The following LHFPL3 variants were observed in gnomAD, a reference collection of about 807,000 sequenced individuals.
LHFPL3 encodes the protein LHFPL tetraspan subfamily member 3 protein.
A neutral mutation model predicts 19.3 loss-of-function variants in LHFPL3; 5 were observed. The ratio of observed to expected loss-of-function variants is 0.26; its 90% CI spans 0.14 to 0.54. The LOEUF (loss-of-function observed/expected upper bound fraction) is 0.54. Ranked by LOEUF, LHFPL3 falls within the 20% of genes least tolerant of loss-of-function variation. The pLI, the probability that LHFPL3 is intolerant of heterozygous loss-of-function variation, is 0.94. For synonymous variants in LHFPL3, 133 were observed against 126.2 expected (o/e 1.05, Z -0.36); for missense variants, 249 against 307.4 (o/e 0.81, Z 1.42).
chr7:104,721,701 G>A (rs972517391), intron 1 of LHFPL3, among the ~76,000 whole-genome samples: 6 of 152,112 alleles, frequency 3.9e-5, no homozygotes, highest in African/African-American at 1.4e-4. Flanking sequence ...TCATTCCACT[G>A]CCATGGAAAG....
intron 1 of LHFPL3, among the ~76,000 whole-genome samples, chr7:104,350,510 T>G (rs1268215664): frequency 6.6e-6 from 1 of 152,204 alleles, no homozygotes; most frequent in South Asian, 2.1e-4. Context: ...GACTGATGAA[T>G]AGAGACTGAA....
chr7:104,478,049 A>G (rs564496653), intron 1 of LHFPL3, among the ~76,000 whole-genome samples: 1 of 152,348 alleles, frequency 6.6e-6, no homozygotes, highest in East Asian at 1.9e-4. Context: ...ATAAGCATTA[A>G]AATGTTAAAT....
chr7:104,781,332 C>T (rs1413509494), intron 2 of LHFPL3, among the ~76,000 whole-genome samples: 1 of 152,168 alleles, frequency 6.6e-6, no homozygotes, highest in Admixed American at 6.5e-5. Context: ...CACCTTATGG[C>T]TGCTACACAT....
Position 104,906,220 on chromosome 7 carries a change from A to G in LHFPL3, c.*5A>G. 1 of 1,608,262 alleles carries G rather than the reference A, an allele frequency of 6.2e-7. No homozygotes were observed. The highest frequency in any genetic ancestry group is 8.5e-7 in the Non-Finnish European group (1 of 1,177,130). On this transcript the variant is annotated 3_prime_UTR_variant, in exon 3 of 3. Transcript: ENST00000424859. ...AGCCAATATTCTCTAGAATGAGCAC[A>G]AAACAAATCGAATAACAGCTAAACA...
intron 2 of LHFPL3, among the ~76,000 whole-genome samples, chr7:104,758,000 C>T (rs1372096915): frequency 6.6e-6 from 1 of 152,188 alleles, no homozygotes; most frequent in African/African-American, 2.4e-5. Flanking sequence ...GGTACATATA[C>T]ACCATGGAAT....
intron 1 of LHFPL3, among the ~76,000 whole-genome samples, chr7:104,409,111 T>G (rs1791483161): frequency 6.6e-6 from 1 of 151,432 alleles, no homozygotes; most frequent in Non-Finnish European, 1.5e-5. Context: ...CTCCTGGCCT[T>G]GTGATCCGCC....
At chr7:104,872,210 G>A (rs1034415699) in intron 2 of LHFPL3, among the ~76,000 whole-genome samples, 1 of 151,748 alleles carries the variant, frequency 6.6e-6, no homozygotes, top group Non-Finnish European at 1.5e-5. Context: ...GGTGGCACAT[G>A]CTTGTAGTTC....
At chr7:104,865,636 G>A (rs1399180304) in intron 2 of LHFPL3, among the ~76,000 whole-genome samples, 1 of 152,194 alleles carries the variant, frequency 6.6e-6, no homozygotes, top group Non-Finnish European at 1.5e-5. Flanking sequence ...ATGGAACCAA[G>A]TTGGAAAACA....
intron 1 of LHFPL3, among the ~76,000 whole-genome samples, chr7:104,641,053 G>T (rs952866200): frequency 3.9e-5 from 6 of 152,240 alleles, no homozygotes; most frequent in Non-Finnish European, 5.9e-5. Context: ...TATCTGTGGT[G>T]AGGGAGCAAG....
intron 1 of LHFPL3, among the ~76,000 whole-genome samples, chr7:104,703,505 G>A (rs1022114134): frequency 6.6e-6 from 1 of 152,126 alleles, no homozygotes; most frequent in African/African-American, 2.4e-5. Context: ...TTTGTCAGTA[G>A]CTAAGCTGCT....
chr7:104,618,177 C>T (rs1349174068), intron 1 of LHFPL3, among the ~76,000 whole-genome samples: 6 of 152,072 alleles, frequency 3.9e-5, no homozygotes, highest in Non-Finnish European at 8.8e-5. Flanking sequence ...TGTGCAATAC[C>T]CATTACTATA....
chr7:104,413,666 C>T (rs138601660), intron 1 of LHFPL3, among the ~76,000 whole-genome samples: 133 of 152,266 alleles, frequency 8.7e-4, no homozygotes, highest in African/African-American at 2.8e-3. Flanking sequence ...CTCAGTTCTG[C>T]GTCCTTCACC....
At chr7:104,645,528 A>C (rs985472278) in intron 1 of LHFPL3, among the ~76,000 whole-genome samples, 3 of 152,174 alleles carry the variant, frequency 2.0e-5, no homozygotes, top group African/African-American at 7.2e-5. Flanking sequence ...CTTGACAAAA[A>C]GAGAATGCGA....
intron 1 of LHFPL3, among the ~76,000 whole-genome samples, chr7:104,587,615 A>C (rs577115262): frequency 1.2e-4 from 18 of 152,258 alleles, no homozygotes; most frequent in African/African-American, 4.3e-4. Context: ...CATGATTTAT[A>C]ATCCTTTGGG....
chr7:104,650,455 G>A (rs540574051), intron 1 of LHFPL3, among the ~76,000 whole-genome samples: 2 of 152,330 alleles, frequency 1.3e-5, no homozygotes, highest in South Asian at 2.1e-4. Context: ...TCAGGTGAGA[G>A]TTAGCTAGTT....
intron 1 of LHFPL3, among the ~76,000 whole-genome samples, chr7:104,499,646 C>T (rs1220237795): frequency 6.6e-6 from 1 of 152,148 alleles, no homozygotes; most frequent in Non-Finnish European, 1.5e-5. Flanking sequence ...TTTTTCCTCC[C>T]CAAAGAGACC....
chr7:104,457,941 C>T lies in LHFPL3; in HGVS notation c.445+128717C>T, dbSNP rs1409391666. 1.9e-3 allele frequency among the ~76,000 whole-genome samples: 265 copies of T among 142,500 alleles called. 2 individuals are homozygous for T. Among genetic ancestry groups the T allele is most frequent in the African/African-American group, 5.8e-3 (222 of 38,122 alleles). The allele number at this position is 142,500 out of a possible 152,430, so 93.5% of individuals were successfully genotyped here. A position where few individuals can be genotyped will look rare whatever the true frequency, so the allele number is the denominator to read the frequency against. On this transcript the variant is annotated intron_variant, in intron 1 of 2. Transcript: ENST00000424859. ...TTGAGAAGTGTCTGTTCATATCCTT[C>T]ACCCACTTTTTGATGGGGTTGTTTG...
At chr7:104,467,607 A>G (rs938135995) in intron 1 of LHFPL3, among the ~76,000 whole-genome samples, 3 of 152,186 alleles carry the variant, frequency 2.0e-5, no homozygotes, top group Admixed American at 2.0e-4. Context: ...CAAACATGCT[A>G]TCTTCTGTTA....
rs182276309 is a variant in LHFPL3, at chr7:104,734,456, C to T, written c.446-2219C>T. On this transcript the variant is annotated intron_variant, in intron 1 of 2. Coordinates refer to ENST00000424859, the MANE Select transcript of LHFPL3 (RefSeq NM_199000.3). ...TTTCTCTAAACCTCTCTTCTCACTT[C>T]ATTTCATTCATTTGATCTTCAATCA... Among the ~76,000 whole-genome samples the T allele has an allele frequency of 1.7e-3, 258 of 152,316 alleles. 1 individual carries two copies. The highest frequency in any genetic ancestry group is 6.0e-3 in the African/African-American group (251 of 41,564).
Sources: allele counts gnomAD v4.1 joint callset (sites outside exome capture counted in the v4.1 genomes callset), GRCh38; gene constraint gnomAD v4.1.1; transcripts MANE v1.5; gene names NCBI Gene and HGNC (gene_info 2026-07-23, HGNC 2026-07-21).